The following NCLN variants were observed in gnomAD, a reference collection of about 807,000 sequenced individuals.
NCLN encodes the protein BOS complex subunit NCLN.
Under a neutral mutation model 69.5 loss-of-function variants are expected in NCLN, and 34 were observed. The observed-to-expected ratio is 0.49, with a 90% CI of 0.37 to 0.65. The LOEUF is 0.65. NCLN is among the 30% of genes least tolerant of loss of function. The probability of loss-of-function intolerance (pLI) is 0.00; values close to 1 mark genes in which losing one functional copy is unlikely to be tolerated. For missense variants in NCLN, 710 were observed against 804.8 expected (o/e 0.88, Z 1.42); for synonymous variants, 393 against 358.3 (o/e 1.10, Z -1.09).
chr19:3,190,171 C>T (rs1343099670), intron 1 of NCLN, among the ~76,000 whole-genome samples: 3 of 152,150 alleles, frequency 2.0e-5, no homozygotes, highest in Non-Finnish European at 4.4e-5. Context: ...ACTGCAGGAG[C>T]CCCAAGGACT....
At chr19:3,198,201 G>C (rs528582752) in intron 4 of NCLN, among the ~76,000 whole-genome samples, 1 of 152,022 alleles carries the variant, frequency 6.6e-6, no homozygotes, top group African/African-American at 2.4e-5. Context: ...GCTCAGCCCC[G>C]TTCCTATAAA....
chr19:3,192,695 C>A, intron 2 of NCLN, 35 bp downstream of exon 2: 1 of 1,485,934 alleles, frequency 6.7e-7, no homozygotes, highest in South Asian at 1.4e-5. Context: ...GGCTCAGGTC[C>A]AGAGCTGCGG....
Position 3,201,618 on chromosome 19 carries a change from G to T in NCLN, c.792G>T (p.Thr264=), listed in dbSNP as rs373693968. The change falls in exon 6 of 15, where the codon ACG becomes ACT. Residue 264 remains threonine, a synonymous_variant. Transcript: ENST00000246117. ...CCCGGCTCTACACCTACAAGCGCAC[G>T]CACGCCGCGTGAGTGCCGGGGTGGG... ...LFSRLYTYKR[T]HAAYNLLFFA... is the part of the protein sequence containing the mutation. The T allele has an allele frequency of 1.3e-6, 2 of 1,518,270 alleles. No homozygotes were observed. The highest frequency in any genetic ancestry group is 2.4e-5 in the East Asian group (1 of 40,852). 94.0% of individuals were successfully genotyped at this position (1,518,270 alleles called of 1,614,324 possible).
intron 6 of NCLN, among the ~76,000 whole-genome samples, 160 bp from the exon 7 acceptor site, chr19:3,203,596 C>G (rs1916181323): frequency 6.6e-6 from 1 of 152,174 alleles, no homozygotes; most frequent in Admixed American, 6.5e-5. Context: ...CCCCAGTGTC[C>G]ACAGGGCCGA....
In NCLN at chr19:3,188,364, A is replaced by G. The variant is rs150535824; in HGVS notation, c.184+2150A>G. Among the ~76,000 whole-genome samples the G allele has an allele frequency of 6.5e-3, 989 of 152,178 alleles. 6 individuals carry two copies. The highest frequency in any genetic ancestry group is 0.024 in the Admixed American group (360 of 15,284). Reference sequence around the variant, plus strand: ...CCCCGCAAGTCCGCCCAGGGAATGCATGTTGTCTATCGAGTGAGCAGATGT... The same window carrying G: ...CCCCGCAAGTCCGCCCAGGGAATGCGTGTTGTCTATCGAGTGAGCAGATGT... On this transcript the variant is annotated intron_variant, in intron 1 of 14. Transcript: ENST00000246117.
chr19:3,202,498 C>T (rs1037341887), intron 6 of NCLN, among the ~76,000 whole-genome samples: 3 of 152,196 alleles, frequency 2.0e-5, no homozygotes, highest in Non-Finnish European at 2.9e-5. Context: ...GAATCACCTC[C>T]GGGTGAGACC....
chr19:3,199,410 C>A (rs1916063415), intron 5 of NCLN, among the ~76,000 whole-genome samples: 1 of 152,372 alleles, frequency 6.6e-6, no homozygotes, highest in South Asian at 2.1e-4. Flanking sequence ...TTCCAGAGAC[C>A]CAGCGCCCGG....
chr19:3,201,299 G>A (rs578258889), intron 5 of NCLN, among the ~76,000 whole-genome samples: 5 of 152,314 alleles, frequency 3.3e-5, no homozygotes, highest in East Asian at 3.9e-4. Context: ...GCCATCAGTC[G>A]GGGATTGAAT....
intron 13 of NCLN, 25 bp downstream of exon 13, chr19:3,207,276 G>C (rs1163563835): frequency 6.2e-7 from 1 of 1,613,532 alleles, no homozygotes; most frequent in East Asian, 2.2e-5. Flanking sequence ...GCGGGACCTG[G>C]AGCCCTTCAC....
At chr19:3,203,608 G>A (rs1267259796) in intron 6 of NCLN, 148 bp from the exon 7 acceptor site, 3 of 683,960 alleles carry the variant, frequency 4.4e-6, no homozygotes, top group Non-Finnish European at 7.4e-6. Flanking sequence ...CAGGGCCGAG[G>A]GGTCATGCCC....
chr19:3,204,817 A>G (rs1916224036), intron 9 of NCLN, 66 bp downstream of exon 9: 12 of 1,363,380 alleles, frequency 8.8e-6, no homozygotes, highest in African/African-American at 1.5e-5. Context: ...ACTGGTCGCA[A>G]CTGCAGAGGC....
At chr19:3,204,445 G>T in intron 8 of NCLN, 128 bp from the exon 9 acceptor site, 1 of 1,061,476 alleles carries the variant, frequency 9.4e-7, no homozygotes, top group Non-Finnish European at 1.3e-6. Flanking sequence ...GGGGGACCCC[G>T]GGGGCAGGTG....
chr19:3,201,640 T>TGGGGGCGGGGGG lies in NCLN; in HGVS notation c.800+17_800+18insGGCGGGGGGGGG. 1.0e-6 allele frequency: 1 copy of TGGGGGCGGGGGG among 1,003,192 alleles called. No homozygotes were observed. The highest frequency in any genetic ancestry group is 1.3e-5 in the South Asian group (1 of 74,126). 62.1% of individuals were successfully genotyped at this position (1,003,192 alleles called of 1,614,324 possible). A position where few individuals can be genotyped will look rare whatever the true frequency, so the allele number is the denominator to read the frequency against. On this transcript the variant is annotated intron_variant, in intron 6 of 14. Transcript: ENST00000246117. ...CACGCACGCCGCGTGAGTGCCGGGG[T>TGGGGGCGGGGGG]GGGCAGGGGGATGGGGGTGCGGGGG...
intron 1 of NCLN, among the ~76,000 whole-genome samples, chr19:3,189,014 A>G (rs949130117): frequency 2.6e-5 from 4 of 151,948 alleles, no homozygotes; most frequent in African/African-American, 9.7e-5. Context: ...CGGGCCCACT[A>G]CCCGGAGGAG....
intron 8 of NCLN, 151 bp from the exon 9 acceptor site, chr19:3,204,422 C>T: frequency 1.1e-6 from 1 of 886,422 alleles, no homozygotes; most frequent in South Asian, 2.0e-5. Context: ...CGCCGGGGCT[C>T]CAGCAGGCCT....
rs112355639 is a variant in NCLN at position 3,201,444 on chromosome 19, G to T, written c.697-79G>T. Reference sequence around the variant, plus strand: ...GGGTGGGGGTGACGGAGAGATGACTGTGGCTGCTGTGGGCGGAGGTCATGG... The same window carrying T: ...GGGTGGGGGTGACGGAGAGATGACTTTGGCTGCTGTGGGCGGAGGTCATGG... On this transcript the variant is annotated intron_variant, in intron 5 of 14. Coordinates refer to ENST00000246117, the MANE Select transcript of NCLN (RefSeq NM_020170.4). The T allele has an allele frequency of 6.0e-3, 5,972 of 989,566 alleles. 234 individuals carry two copies. In the African/African-American group the frequency reaches 0.084, roughly 14 times the overall value. The allele number at this position is 989,566 out of a possible 1,614,324, so 61.3% of individuals were successfully genotyped here.
intron 2 of NCLN, 43 bp downstream of exon 2, chr19:3,192,703 C>T (rs751810642): frequency 2.5e-5 from 36 of 1,467,972 alleles, no homozygotes; most frequent in African/African-American, 1.9e-4. Context: ...TCCAGAGCTG[C>T]GGCGGGAGTT....
At position 3,204,724 on chromosome 19, in the gene NCLN, G is replaced by C; in HGVS notation, c.1181G>C (p.Gly394Ala). Residue 394 changes from glycine to alanine, a missense_variant, in exon 9 of 15, where the codon GGC becomes GCC. Coordinates refer to ENST00000246117, the MANE Select transcript of NCLN (RefSeq NM_020170.4). The part of the protein sequence containing the change: ...TLSHLESHRD[G>A]QRSSIMDVRS... ...TCCCACCTGGAGAGCCACCGTGACG[G>C]CCAGCGCAGCAGCATCATGGACGTG... 1 of 1,572,106 alleles carries C rather than the reference G, an allele frequency of 6.4e-7. No homozygotes were observed. Among genetic ancestry groups the C allele is most frequent in the East Asian group, 2.3e-5 (1 of 43,920 alleles).
Position 3,207,982 on chromosome 19 carries a change from C to T in NCLN, c.*294C>T, listed in dbSNP as rs1916322011. ...CCCCCCAGTCCTGGGAGCCGGCCGC[C>T]CTCGGTCTGGTGTAAGCACACATGC... On this transcript the variant is annotated 3_prime_UTR_variant, in exon 15 of 15. Transcript: ENST00000246117. 5 of 459,700 alleles carry T rather than the reference C, an allele frequency of 1.1e-5. No homozygotes were observed. Among genetic ancestry groups the T allele is most frequent in the Middle Eastern group, 6.2e-4 (1 of 1,606 alleles). 28.5% of individuals were successfully genotyped at this position (459,700 alleles called of 1,614,324 possible). A position where few individuals can be genotyped will look rare whatever the true frequency, so the allele number is the denominator to read the frequency against.
Sources: allele counts gnomAD v4.1 joint callset (sites outside exome capture counted in the v4.1 genomes callset), GRCh38; gene constraint gnomAD v4.1.1; transcripts MANE v1.5; gene names NCBI Gene and HGNC (gene_info 2026-07-23, HGNC 2026-07-21).